Variants in TC2N observed in about 807,000 individuals in gnomAD.
TC2N encodes the protein tandem C2 domains nuclear protein.
A neutral mutation model predicts 61.9 loss-of-function variants in TC2N; 51 were observed. The ratio of observed to expected loss-of-function variants is 0.82; its 90% CI spans 0.66 to 1.04. The LOEUF (loss-of-function observed/expected upper bound fraction) is 1.04. Among genes scored for constraint, TC2N ranks in the 50% least tolerant of loss-of-function variants. TC2N has a pLI of 0.00. For missense variants in TC2N, 556 were observed against 566.7 expected, an observed-to-expected ratio of 0.98 and a Z score of 0.19; for synonymous variants, 204 against 192.6, an observed-to-expected ratio of 1.06 and a Z score of -0.49.
At chr14:91,787,385 T>G (rs918594201) in intron 10 of TC2N, 128 bp downstream of exon 10, 3 of 581,594 alleles carry the variant, frequency 5.2e-6, no homozygotes, top group Non-Finnish European at 8.6e-6. Context: ...TAATTTTAAA[T>G]TTAAAGTAAA....
chr14:91,851,783 T>C (rs2139918699), intron 1 of TC2N, among the ~76,000 whole-genome samples: 1 of 152,348 alleles, frequency 6.6e-6, no homozygotes, highest in South Asian at 2.1e-4. Context: ...CACTGTATTA[T>C]GCCACCAATG....
intron 1 of TC2N, among the ~76,000 whole-genome samples, chr14:91,864,331 T>A (rs1350636175): frequency 2.6e-5 from 4 of 151,990 alleles, no homozygotes. Context: ...TGTAGGGGAG[T>A]AGGGGGAAGG....
chr14:91,858,207 G>T (rs1215182877), intron 1 of TC2N, among the ~76,000 whole-genome samples: 1 of 131,418 alleles, frequency 7.6e-6, no homozygotes, highest in Non-Finnish European at 1.6e-5. Flanking sequence ...TTCCTAGGCT[G>T]GTCTCAAACC....
intron 8 of TC2N, among the ~76,000 whole-genome samples, chr14:91,795,847 G>T (rs968046006): frequency 1.1e-4 from 16 of 151,930 alleles, no homozygotes; most frequent in Non-Finnish European, 1.5e-5. Context: ...GTCTTTCTGA[G>T]GGTCTCACAA....
chr14:91,855,320 A>G lies in TC2N; in HGVS notation c.-57+11942T>C, dbSNP rs547761960. Among the ~76,000 whole-genome samples, 74 of 152,336 alleles carry G rather than the reference A, an allele frequency of 4.9e-4. No homozygotes were observed. The Middle Eastern group carries it at 0.01, about 21-fold the overall frequency. On this transcript the variant is annotated intron_variant, in intron 1 of 11. Coordinates refer to ENST00000435962, the MANE Select transcript of TC2N (RefSeq NM_001128596.3). ...AAACAACAGACGTTTATTCTCTCACAGTTCTGGAGGCCAGAAGTCCAAAAT... is the reference window on the plus strand; with the variant it reads ...AAACAACAGACGTTTATTCTCTCACGGTTCTGGAGGCCAGAAGTCCAAAAT...
intron 1 of TC2N, among the ~76,000 whole-genome samples, chr14:91,852,049 T>C (rs949746470): frequency 2.6e-5 from 4 of 152,252 alleles, no homozygotes; most frequent in African/African-American, 9.6e-5. Flanking sequence ...TCACAGGTAC[T>C]AGATTCCCAT....
rs1434120978 is a variant in TC2N, at chr14:91,812,436, C to T, written c.177G>A (p.Glu59=). The T allele has an allele frequency of 1.2e-6, 2 of 1,611,832 alleles. No individual in the cohort carries two copies. Among genetic ancestry groups the T allele is most frequent in the Non-Finnish European group, 8.5e-7 (1 of 1,178,488 alleles). The change falls in exon 3 of 12, where the codon GAG becomes GAA. Residue 59 remains glutamate (E), a synonymous_variant. Coordinates refer to ENST00000435962, the MANE Select transcript of TC2N (RefSeq NM_001128596.3). ...ATGGTAATTTGGAAAGCAAATAATC[C>T]TCAGTACAGCCAAGCTGAGGCTTTA... The part of the protein sequence containing the change: ...VSVKPQLGCT[E]DYLLSKLPSD...
chr14:91,792,414 G>C lies in TC2N; in HGVS notation c.1000C>G (p.Gln334Glu). Residue 334 changes from glutamine to glutamate, a missense_variant, in exon 9 of 12, where the codon CAG becomes GAG. Physicochemically the swap from Gln to Glu is conservative, Grantham distance 29 (BLOSUM62 2). Transcript: ENST00000435962. ...ATATCCAAAGAGTAATCCATTTCCTGTGTGCTAAGGGTTCTGAGTGACATT... is the reference window on the plus strand; with the variant it reads ...ATATCCAAAGAGTAATCCATTTCCTCTGTGCTAAGGGTTCTGAGTGACATT... ...CSMSLRTLST[Q>E]EMDYSLDITP... The C allele has an allele frequency of 6.2e-7, 1 of 1,606,134 alleles. No individual in the cohort carries two copies. Among genetic ancestry groups the C allele is most frequent in the Non-Finnish European group, 8.5e-7 (1 of 1,175,548 alleles).
At chr14:91,828,790 A>G (rs1887615654) in intron 1 of TC2N, among the ~76,000 whole-genome samples, 1 of 152,068 alleles carries the variant, frequency 6.6e-6, no homozygotes, top group African/African-American at 2.4e-5. Flanking sequence ...ATAACTTAAT[A>G]CAGATTTTTA....
intron 1 of TC2N, among the ~76,000 whole-genome samples, chr14:91,854,254 A>G (rs767547027): frequency 6.6e-6 from 1 of 152,186 alleles, no homozygotes; most frequent in Non-Finnish European, 1.5e-5. Flanking sequence ...TGGGCAACTT[A>G]CTTTACCCTG....
At chr14:91,848,299 G>A (rs1205214569) in intron 1 of TC2N, among the ~76,000 whole-genome samples, 1 of 152,150 alleles carries the variant, frequency 6.6e-6, no homozygotes, top group African/African-American at 2.4e-5. Flanking sequence ...ACCCTCAGGT[G>A]GTGGCCAGCC....
intron 3 of TC2N, among the ~76,000 whole-genome samples, chr14:91,808,877 T>C (rs1886639439): frequency 6.6e-6 from 1 of 152,172 alleles, no homozygotes; most frequent in South Asian, 2.1e-4. Flanking sequence ...AAATACTATG[T>C]ATTCATCAAA....
rs771329749 is a variant in TC2N at position 91,812,384 on chromosome 14, C to T, written c.229G>A (p.Val77Met). The change falls in exon 3 of 12, where the codon GTG becomes ATG. Residue 77 changes from valine to methionine, a missense_variant. Physicochemically the swap from Val to Met is conservative, Grantham distance 21. Transcript: ENST00000435962. ...ATGTAAGATAACTTAAACTTGGGCA[C>T]CACAAATGGTACTTCTTTGCCATCA... is the stretch of plus-strand genomic sequence containing the variant. ...PSDGKEVPFVVPKFKLSYIQP... is the reference protein window; with the variant it reads ...PSDGKEVPFVMPKFKLSYIQP... 5 of 1,612,674 alleles carry T rather than the reference C, an allele frequency of 3.1e-6. No individual in the cohort carries two copies. The South Asian group carries it at 4.4e-5, about 14-fold the overall frequency.
At chr14:91,794,449 C>A (rs1885804763) in intron 8 of TC2N, among the ~76,000 whole-genome samples, 4 of 152,232 alleles carry the variant, frequency 2.6e-5, no homozygotes, top group Admixed American at 6.5e-5. Context: ...ACTAGGCTGA[C>A]TCTCTTGTTA....
chr14:91,863,236 T>C (rs769574531), intron 1 of TC2N, among the ~76,000 whole-genome samples: 3 of 152,276 alleles, frequency 2.0e-5, no homozygotes, highest in Non-Finnish European at 4.4e-5. Flanking sequence ...ACAAATATCA[T>C]AGCTTGGTTT....
intron 4 of TC2N, among the ~76,000 whole-genome samples, chr14:91,800,843 T>C (rs1311927765): frequency 1.3e-5 from 2 of 152,056 alleles, no homozygotes; most frequent in East Asian, 1.9e-4. Context: ...TGTATGCCAA[T>C]TGTATATTCT....
intron 1 of TC2N, among the ~76,000 whole-genome samples, chr14:91,847,511 C>T (rs1042490342): frequency 6.6e-6 from 1 of 152,210 alleles, no homozygotes; most frequent in Non-Finnish European, 1.5e-5. Flanking sequence ...CTACCATGCT[C>T]TAAGGAAGCC....
intron 9 of TC2N, among the ~76,000 whole-genome samples, chr14:91,789,623 C>CAAAAAAA: frequency 7.6e-6 from 1 of 132,272 alleles, no homozygotes; most frequent in African/African-American, 2.7e-5. Flanking sequence ...AAACAAAAAA[C>CAAAAAAA]AAAAAAAAAA....
chr14:91,855,603 G>C (rs989918534), intron 1 of TC2N, among the ~76,000 whole-genome samples: 3 of 152,200 alleles, frequency 2.0e-5, no homozygotes, highest in Non-Finnish European at 4.4e-5. Flanking sequence ...CTAATTACAT[G>C]TGCAAAGATC....
Sources: allele counts gnomAD v4.1 joint callset (sites outside exome capture counted in the v4.1 genomes callset), GRCh38; gene constraint gnomAD v4.1.1; transcripts MANE v1.5; gene names NCBI Gene and HGNC (gene_info 2026-07-23, HGNC 2026-07-21).